SGCG: variants seen among roughly 807,000 people sequenced by gnomAD.
SGCG encodes the protein gamma-sarcoglycan.
SGCG carries 26 observed loss-of-function variants against 29.3 expected under a neutral mutation model. That is an observed-to-expected ratio of 0.89 (90% confidence interval 0.65 to 1.23). The LOEUF is 1.23. Among genes scored for constraint, SGCG ranks in the 50% most tolerant of loss-of-function variants. The probability of loss-of-function intolerance (pLI) is 0.00; values close to 1 mark genes in which losing one functional copy is unlikely to be tolerated. For missense variants in SGCG, 353 were observed against 356.0 expected, an observed-to-expected ratio of 0.99 and a Z score of 0.07; for synonymous variants, 145 against 129.7, an observed-to-expected ratio of 1.12 and a Z score of -0.80.
chr13:23,286,207 T>C (rs1446993470), intron 5 of SGCG, among the ~76,000 whole-genome samples: 1 of 152,198 alleles, frequency 6.6e-6, no homozygotes, highest in African/African-American at 2.4e-5. Context: ...TAGCCACTGG[T>C]CTCTCACCAT....
chr13:23,181,734 T>C (rs1876742084), intron 1 of SGCG, among the ~76,000 whole-genome samples: 1 of 152,204 alleles, frequency 6.6e-6, no homozygotes, highest in Admixed American at 6.5e-5. Flanking sequence ...CTTACTGAAG[T>C]TATGAGTTCT....
At chr13:23,278,390 C>T (rs943328029) in intron 4 of SGCG, among the ~76,000 whole-genome samples, 4 of 149,660 alleles carry the variant, frequency 2.7e-5, no homozygotes, top group African/African-American at 4.9e-5. Flanking sequence ...TTGCAGCGAG[C>T]GGAGATCGCA....
chr13:23,178,967 A>T (rs1413131424), upstream of SGCG, among the ~76,000 whole-genome samples: 1 of 152,184 alleles, frequency 6.6e-6, no homozygotes, highest in Non-Finnish European at 1.5e-5. Context: ...GGAAGCCAGA[A>T]AGGTCCCCAT....
intron 6 of SGCG, 37 bp from the exon 7 acceptor site, chr13:23,320,600 T>C: frequency 1.4e-6 from 2 of 1,431,486 alleles, no homozygotes; most frequent in East Asian, 2.7e-5. Context: ...TTTAATACTT[T>C]TTTTTTTTTT....
chr13:23,295,363 TGG>T (rs1881861316), intron 5 of SGCG, 50 bp from the exon 6 acceptor site: 1 of 1,273,052 alleles, frequency 7.9e-7, no homozygotes, highest in Admixed American at 1.7e-5. Flanking sequence ...TTATTTTGTT[TGG>T]TGTCACTTAT....
intron 2 of SGCG, among the ~76,000 whole-genome samples, chr13:23,220,069 C>T (rs1878598853): frequency 6.6e-6 from 1 of 152,034 alleles, no homozygotes; most frequent in African/African-American, 2.4e-5. Context: ...TCCGGATCTC[C>T]TGACCTCGTG....
chr13:23,283,167 A>G (rs1256950950), intron 5 of SGCG, among the ~76,000 whole-genome samples: 3 of 152,178 alleles, frequency 2.0e-5, no homozygotes, highest in Non-Finnish European at 2.9e-5. Context: ...AGTCCTGAAT[A>G]TCCTTGTTAA....
intron 6 of SGCG, among the ~76,000 whole-genome samples, chr13:23,319,433 G>A (rs1882952714): frequency 6.6e-6 from 1 of 152,072 alleles, no homozygotes; most frequent in African/African-American, 2.4e-5. Context: ...TCATACTCAA[G>A]GTAAGACTTC....
intron 4 of SGCG, among the ~76,000 whole-genome samples, chr13:23,252,587 C>T (rs759884868): frequency 4.0e-5 from 6 of 151,824 alleles, no homozygotes; most frequent in African/African-American, 9.7e-5. Context: ...GCTACTTGGG[C>T]GGCTGAGGCA....
At chr13:23,166,751 T>A in the SGCG span, among the ~76,000 whole-genome samples, 1 of 152,160 alleles carries the variant, frequency 6.6e-6, no homozygotes, top group African/African-American at 2.4e-5. Flanking sequence ...TCGTGTGTCA[T>A]CACAGAAAAA....
intron 1 of SGCG, among the ~76,000 whole-genome samples, chr13:23,186,397 C>G (rs1394891267): frequency 6.6e-6 from 1 of 152,168 alleles, no homozygotes; most frequent in Non-Finnish European, 1.5e-5. Context: ...GGAGGTGAAG[C>G]GATTGCAGCA....
At chr13:23,283,144 A>G (rs1245895466) in intron 5 of SGCG, among the ~76,000 whole-genome samples, 1 of 152,184 alleles carries the variant, frequency 6.6e-6, no homozygotes, top group Non-Finnish European at 1.5e-5. Flanking sequence ...TGCTTGGTCC[A>G]GAGCTGAGTT....
the SGCG span, among the ~76,000 whole-genome samples, chr13:23,168,554 T>C: frequency 1.3e-5 from 2 of 152,308 alleles, no homozygotes; most frequent in African/African-American, 4.8e-5. Context: ...ATAACGCAGC[T>C]TCTCAGTACA....
the SGCG span, among the ~76,000 whole-genome samples, chr13:23,166,615 T>C: frequency 6.6e-6 from 1 of 152,222 alleles, no homozygotes; most frequent in Non-Finnish European, 1.5e-5. Context: ...CTTTTCTGTT[T>C]GTTCAGTTTT....
chr13:23,205,405 C>T lies in SGCG; in HGVS notation c.195+1516C>T, dbSNP rs534577891. Among the ~76,000 whole-genome samples the T allele has an allele frequency of 6.6e-5, 10 of 152,184 alleles. No homozygotes were observed. The East Asian group carries it at 1.5e-3, about 24-fold the overall frequency. On this transcript the variant is annotated intron_variant, in intron 2 of 7. Transcript: ENST00000218867. ...GCCCTGCATCAGCCTGCTGTAGGAC[C>T]GTCAGTTATGCAGAAGGTTAAGAGA...
intron 5 of SGCG, among the ~76,000 whole-genome samples, chr13:23,287,037 A>T (rs1003354055): frequency 6.6e-6 from 1 of 152,232 alleles, no homozygotes; most frequent in African/African-American, 2.4e-5. Flanking sequence ...CTATTGTGCC[A>T]CTAGGGTAGG....
chr13:23,166,621 G>T, the SGCG span, among the ~76,000 whole-genome samples: 3 of 152,118 alleles, frequency 2.0e-5, no homozygotes, highest in Admixed American at 6.5e-5. Context: ...TGTTTGTTCA[G>T]TTTTTTACTT....
rs1293463905 is a variant in SGCG at position 23,241,160 on chromosome 13, A to AC, written c.297+6448_297+6449insC. ...CGAGACTCCATCTCAAAAAAAAAAAAAAAGAAGAAGAAGAAAATCGATGAC... is the reference window on the plus strand; with the variant it reads ...CGAGACTCCATCTCAAAAAAAAAAAACAAAGAAGAAGAAGAAAATCGATGAC... On this transcript the variant is annotated intron_variant, in intron 3 of 7. Coordinates refer to ENST00000218867, the MANE Select transcript of SGCG (RefSeq NM_000231.3). Among the ~76,000 whole-genome samples the AC allele has an allele frequency of 1.1e-4, 17 of 150,272 alleles. 1 individual carries two copies. Among genetic ancestry groups the AC allele is most frequent in the South Asian group, 2.1e-4 (1 of 4,712 alleles).
chr13:23,196,665 T>G (rs1297489947), intron 1 of SGCG, among the ~76,000 whole-genome samples: 1 of 152,196 alleles, frequency 6.6e-6, no homozygotes, highest in African/African-American at 2.4e-5. Context: ...TTTAAGGATA[T>G]TAACCTTGTC....
Sources: gnomAD v4.1 joint callset for allele counts (sites outside exome capture counted in the v4.1 genomes callset) on GRCh38, gnomAD v4.1.1 for gene constraint, MANE v1.5 for transcripts, NCBI Gene and HGNC (gene_info 2026-07-23, HGNC 2026-07-21) for gene names.